DHRS4L2: variants seen among roughly 807,000 people sequenced by gnomAD.
DHRS4L2 encodes the protein dehydrogenase/reductase 4 like 2.
In DHRS4L2, 22 loss-of-function variants were observed where a neutral mutation model predicts 23.9. That is an observed-to-expected ratio of 0.92 (90% CI 0.66 to 1.31). The LOEUF is 1.31. Among genes scored for constraint, DHRS4L2 ranks in the 40% most tolerant of loss-of-function variants. The pLI, the probability that DHRS4L2 is intolerant of heterozygous loss-of-function variation, is 0.00. For missense variants in DHRS4L2, 385 were observed against 303.3 expected, an observed-to-expected ratio of 1.27 and a Z score of -2.00; for synonymous variants, 141 against 123.7, an observed-to-expected ratio of 1.14 and a Z score of -0.93.
chr14:23,973,455 G>T (rs2033905372), intron 1 of DHRS4L2, among the ~76,000 whole-genome samples: 2 of 151,946 alleles, frequency 1.3e-5, no homozygotes, highest in Admixed American at 6.5e-5. Flanking sequence ...CGGGCTGAAG[G>T]GCTCCTCAAG....
intron 2 of DHRS4L2, among the ~76,000 whole-genome samples, chr14:23,994,545 G>A (rs751543787): frequency 2.3e-4 from 35 of 151,348 alleles, no homozygotes; most frequent in Admixed American, 6.6e-4. Context: ...AAAATTGCCC[G>A]GGTGTGGTGG....
intron 2 of DHRS4L2, among the ~76,000 whole-genome samples, chr14:23,993,256 C>G (rs893178986): frequency 2.6e-5 from 4 of 151,636 alleles, no homozygotes; most frequent in Admixed American, 2.6e-4. Flanking sequence ...GGCTTTGTGC[C>G]AGGATGCCAA....
chr14:24,004,700 C>A, intron 7 of DHRS4L2: 1 of 507,614 alleles, frequency 2.0e-6, no homozygotes, highest in Admixed American at 3.3e-5. Flanking sequence ...GGGACCATAA[C>A]CAAAACCATG....
intron 1 of DHRS4L2, among the ~76,000 whole-genome samples, chr14:23,989,501 G>C (rs1290636239): frequency 3.3e-5 from 5 of 151,550 alleles, no homozygotes; most frequent in African/African-American, 1.2e-4. Flanking sequence ...CCCTTACCTA[G>C]ATGGGACACC....
intron 2 of DHRS4L2, chr14:23,991,054 G>C: frequency 4.1e-6 from 1 of 245,208 alleles, no homozygotes; most frequent in Non-Finnish European, 6.5e-6. Context: ...CATTCACAAA[G>C]GAAGCTCCTC....
intron 1 of DHRS4L2, among the ~76,000 whole-genome samples, chr14:23,972,933 C>T (rs558757715): frequency 7.0e-4 from 107 of 152,060 alleles, no homozygotes; most frequent in Admixed American, 1.4e-3. Flanking sequence ...CCAAACATGT[C>T]GGTGGAGTAA....
In DHRS4L2 at chr14:23,992,038, G is replaced by A. The variant is rs147130385; in HGVS notation, c.306+1679G>A. On this transcript the variant is annotated intron_variant, in intron 2 of 7. Coordinates refer to ENST00000335125, the MANE Select transcript of DHRS4L2 (RefSeq NM_198083.4). Reference sequence around the variant, plus strand: ...GCGTGAGCCACTGTGCCCGGCCATAGCTTCTTAAAAGGATACGTTAAGGAC... The same window carrying A: ...GCGTGAGCCACTGTGCCCGGCCATAACTTCTTAAAAGGATACGTTAAGGAC... Among the ~76,000 whole-genome samples, 580 of 151,662 alleles carry A rather than the reference G, an allele frequency of 3.8e-3. 11 individuals are homozygous for A. The highest frequency in any genetic ancestry group is 0.013 in the African/African-American group (554 of 41,398).
intron 1 of DHRS4L2, among the ~76,000 whole-genome samples, chr14:23,989,346 A>C (rs74547930): frequency 0.018 from 2,727 of 151,754 alleles, 105 homozygotes; most frequent in African/African-American, 0.062. Flanking sequence ...GGGCTGCCCC[A>C]GTCAACCAGC....
intron 1 of DHRS4L2, among the ~76,000 whole-genome samples, chr14:23,983,087 AACAGGCAACCC>A (rs1198210513): frequency 6.6e-6 from 1 of 151,736 alleles, no homozygotes; most frequent in Non-Finnish European, 1.5e-5. Context: ...CGTCAGAGTG[AACAGGCAACCC>A]ACAGAATGGA....
Position 23,990,218 on chromosome 14 carries a change from C to T in DHRS4L2, c.165C>T (p.Asp55=), listed in dbSNP as rs756732860. Residue 55 remains aspartate, a synonymous_variant, in exon 2 of 8, where the codon GAC becomes GAT. Coordinates refer to ENST00000335125, the MANE Select transcript of DHRS4L2 (RefSeq NM_198083.4). Reference sequence around the variant, plus strand: ...CCATCGCCCGGCGTTTGGCCCAGGACAGGGCCCACGTGGTCGTCAGCAGCC... The same window carrying T: ...CCATCGCCCGGCGTTTGGCCCAGGATAGGGCCCACGTGGTCGTCAGCAGCC... ...GFAIARRLAQ[D]RAHVVVSSRK... is the part of the protein sequence containing the mutation. 9 of 1,612,854 alleles carry T rather than the reference C, an allele frequency of 5.6e-6. 1 individual carries two copies. The Middle Eastern group carries it at 5.0e-4, about 89-fold the overall frequency.
intron 2 of DHRS4L2, among the ~76,000 whole-genome samples, chr14:23,994,614 G>C (rs1325684929): frequency 1.3e-5 from 2 of 151,666 alleles, no homozygotes; most frequent in Non-Finnish European, 2.9e-5. Context: ...CTTGAACCCA[G>C]TAGGTCAAGG....
chr14:23,982,817 C>T (rs2138519037), intron 1 of DHRS4L2, among the ~76,000 whole-genome samples: 1 of 151,680 alleles, frequency 6.6e-6, no homozygotes, highest in Non-Finnish European at 1.5e-5. Context: ...TGGACCCCTT[C>T]CTTACACCTT....
chr14:24,001,957 C>CTTTTTTTTTTTTTTTTTTTTTTTTTTTTT (rs762131811), intron 6 of DHRS4L2, among the ~76,000 whole-genome samples: 4 of 5,516 alleles, frequency 7.3e-4, no homozygotes, highest in Admixed American at 5.2e-3. Context: ...CTTTCCTCTT[C>CTTTTTTTTTTTTTTTTTTTTTTTTTTTTT]TTTTTTTTTT....
intron 3 of DHRS4L2, among the ~76,000 whole-genome samples, chr14:24,000,152 G>C (rs542270621): frequency 1.4e-5 from 2 of 143,142 alleles, no homozygotes; most frequent in East Asian, 4.0e-4. Flanking sequence ...GACAAAATGT[G>C]AACAATTGGT....
At chr14:23,987,652 CA>C (rs1324025023), upstream of DHRS4L2, among the ~76,000 whole-genome samples, 4 of 151,640 alleles carry the variant, frequency 2.6e-5, no homozygotes, top group African/African-American at 9.7e-5. Context: ...TTTTCTGAAA[CA>C]AAACACTAAC....
intron 3 of DHRS4L2, among the ~76,000 whole-genome samples, chr14:23,999,475 G>A (rs1404327979): frequency 6.7e-6 from 1 of 148,882 alleles, no homozygotes; most frequent in Non-Finnish European, 1.5e-5. Flanking sequence ...CATAATGGCT[G>A]ATCCTTGATT....
In DHRS4L2 at chr14:24,001,401, T is replaced by G; in HGVS notation, c.549T>G (p.Asn183Lys). Residue 183 changes from asparagine to lysine, a missense_variant, in exon 6 of 8, where the codon AAT becomes AAG. Physicochemically the swap from Asn to Lys is moderately conservative, Grantham distance 94. Transcript: ENST00000335125. ...FSPSPGFSPYNVSKTALLGLN... is the reference protein window; with the variant it reads ...FSPSPGFSPYKVSKTALLGLN... Reference sequence around the variant, plus strand: ...TTCTCCAGGGCTTCAGTCCTTACAATGTCAGTAAAACAGCCTTGCTGGGCC... The same window carrying G: ...TTCTCCAGGGCTTCAGTCCTTACAAGGTCAGTAAAACAGCCTTGCTGGGCC... 6.2e-7 allele frequency: 1 copy of G among 1,607,636 alleles called. No homozygotes were observed. Among genetic ancestry groups the G allele is most frequent in the Middle Eastern group, 1.7e-4 (1 of 6,054 alleles).
Position 23,995,061 on chromosome 14 carries a change from C to A in DHRS4L2, c.336C>A (p.Ile112=). 2 of 1,613,004 alleles carry A rather than the reference C, an allele frequency of 1.2e-6. No homozygotes were observed. The highest frequency in any genetic ancestry group is 1.7e-6 in the Non-Finnish European group (2 of 1,179,508). The change falls in exon 3 of 8, where the codon ATC becomes ATA. Residue 112 remains isoleucine (I), a synonymous_variant. Coordinates refer to ENST00000335125, the MANE Select transcript of DHRS4L2 (RefSeq NM_198083.4). ...TGAAGCTTCATGGAGGTATCGATATCCTAGTCTCCAATGCTGCTGTCAACC... is the reference window on the plus strand; with the variant it reads ...TGAAGCTTCATGGAGGTATCGATATACTAGTCTCCAATGCTGCTGTCAACC... The part of the protein sequence containing the change: ...MAVKLHGGID[I]LVSNAAVNPF...
At chr14:23,971,012 C>A (rs59805141) in intron 1 of DHRS4L2, among the ~76,000 whole-genome samples, 2 of 151,882 alleles carry the variant, frequency 1.3e-5, no homozygotes, top group East Asian at 1.9e-4. Flanking sequence ...CATCAAAGAC[C>A]AAAGGTAGAT....
Sources: allele counts gnomAD v4.1 joint callset (sites outside exome capture counted in the v4.1 genomes callset), GRCh38; gene constraint gnomAD v4.1.1; transcripts MANE v1.5; gene names NCBI Gene and HGNC (gene_info 2026-07-23, HGNC 2026-07-21).